The following ENOX2 variants were observed in gnomAD, a reference collection of about 807,000 sequenced individuals.
ENOX2 encodes the protein APK1 antigen.
A neutral mutation model predicts 45.0 loss-of-function variants in ENOX2; 36 were observed. The observed-to-expected ratio is 0.80, with a 90% CI of 0.61 to 1.06. The LOEUF (loss-of-function observed/expected upper bound fraction) is 1.06, where lower values mean the gene tolerates loss of function less well. ENOX2 is among the 50% of genes least tolerant of loss of function. The probability of loss-of-function intolerance (pLI) is 0.00; values close to 1 mark genes in which losing one functional copy is unlikely to be tolerated. For synonymous variants in ENOX2, 174 were observed against 152.3 expected, an observed-to-expected ratio of 1.14 and a Z score of -1.05; for missense variants, 423 against 462.5, an observed-to-expected ratio of 0.91 and a Z score of 0.78.
chrX:130,727,913 G>A (rs1405189207), intron 3 of ENOX2, among the ~76,000 whole-genome samples: 2 of 112,248 alleles, frequency 1.8e-5, no homozygotes, highest in Admixed American at 1.9e-4. Context: ...CCTGAGCTAT[G>A]TAGGTGTGCT....
intron 3 of ENOX2, among the ~76,000 whole-genome samples, chrX:130,772,852 C>T (rs951163846): frequency 2.7e-5 from 3 of 112,371 alleles, no homozygotes; most frequent in African/African-American, 9.7e-5. Flanking sequence ...AATGCCTCCA[C>T]TCTTCATCCC....
intron 2 of ENOX2, among the ~76,000 whole-genome samples, chrX:130,860,801 G>C (rs1222127626): frequency 9.0e-6 from 1 of 111,612 alleles, no homozygotes; most frequent in African/African-American, 3.3e-5. Context: ...TTTTAAGATA[G>C]CCACAGCTTC....
At chrX:130,824,710 C>T (rs754828944) in intron 2 of ENOX2, among the ~76,000 whole-genome samples, 21 of 111,335 alleles carry the variant, frequency 1.9e-4, no homozygotes, top group Non-Finnish European at 3.8e-4. Context: ...AATAGAATAA[C>T]GAGCAAATGA....
At position 130,799,709 on chromosome X, in the gene ENOX2, T is replaced by C. The variant is rs536924163; in HGVS notation, c.-182-16019A>G. ...TAAGATAAAGAAAGAAAAGCTTAGATGGAAGACATCCATAAAAGCATGAAA... is the reference window on the plus strand; with the variant it reads ...TAAGATAAAGAAAGAAAAGCTTAGACGGAAGACATCCATAAAAGCATGAAA... On this transcript the variant is annotated intron_variant, in intron 2 of 14. Transcript: ENST00000394363. 6.0e-4 allele frequency among the ~76,000 whole-genome samples: 67 copies of C among 111,512 alleles called. 1 individual carries two copies. In the South Asian group the frequency reaches 0.024, roughly 40 times the overall value.
chrX:130,685,059 G>A (rs1308720685), intron 5 of ENOX2, among the ~76,000 whole-genome samples: 2 of 112,413 alleles, frequency 1.8e-5, no homozygotes, highest in Admixed American at 9.4e-5. Context: ...CAGGGTCACT[G>A]AGAAAGTGAC....
At chrX:130,812,913 A>G (rs991990202) in intron 2 of ENOX2, among the ~76,000 whole-genome samples, 2 of 111,906 alleles carry the variant, frequency 1.8e-5, no homozygotes, top group Admixed American at 9.5e-5. Flanking sequence ...CTACAAAGCT[A>G]TAGTAACTAA....
intron 2 of ENOX2, among the ~76,000 whole-genome samples, chrX:130,857,387 T>C (rs72614153): frequency 1.8e-5 from 2 of 112,422 alleles, no homozygotes; most frequent in East Asian, 5.5e-4. Flanking sequence ...TGGTGTTAAC[T>C]ACAAAGGTGT....
At chrX:130,898,796 A>G (rs752111685) in intron 2 of ENOX2, among the ~76,000 whole-genome samples, 1 of 100,949 alleles carries the variant, frequency 9.9e-6, no homozygotes, top group East Asian at 3.0e-4. Context: ...AGATGTCCTG[A>G]GTATTAAATT....
intron 2 of ENOX2, among the ~76,000 whole-genome samples, chrX:130,865,848 T>C (rs149007956): frequency 0.019 from 2,082 of 111,245 alleles, 67 homozygotes; most frequent in African/African-American, 0.065. Context: ...TCCTATCATA[T>C]CCTAATAGCC....
chrX:130,859,084 T>C (rs1012621561), intron 2 of ENOX2, among the ~76,000 whole-genome samples: 3 of 112,451 alleles, frequency 2.7e-5, no homozygotes, highest in Non-Finnish European at 5.6e-5. Context: ...TCCCAGCACG[T>C]TGGGAGGCCA....
intron 2 of ENOX2, among the ~76,000 whole-genome samples, chrX:130,785,409 C>A (rs1057362929): frequency 9.1e-6 from 1 of 109,666 alleles, no homozygotes; most frequent in Non-Finnish European, 1.9e-5. Context: ...GCCCACATAA[C>A]AAGTACTGTT....
At chrX:130,694,869 T>C (rs1379241151) in intron 4 of ENOX2, among the ~76,000 whole-genome samples, 1 of 111,388 alleles carries the variant, frequency 9.0e-6, no homozygotes, top group African/African-American at 3.3e-5. Flanking sequence ...TGCCAACTTT[T>C]ACCTTTGTGG....
rs1381053186 is a variant in ENOX2, at chrX:130,624,942, A to AAATC, written c.*368_*371dup. ...AATGTAAAGAGAAGTTTAGAAACAC[A>AAATC]AATCACATACAAATCATCAAAACAT... On this transcript the variant is annotated 3_prime_UTR_variant, in exon 15 of 15. Transcript: ENST00000394363. The AAATC allele has an allele frequency of 7.7e-6, 1 of 129,589 alleles. No individual in the cohort carries two copies. Among genetic ancestry groups the AAATC allele is most frequent in the Non-Finnish European group, 1.5e-5 (1 of 65,208 alleles). 10.7% of individuals were successfully genotyped at this position (129,589 alleles called of 1,213,427 possible). A position where few individuals can be genotyped will look rare whatever the true frequency, so the allele number is the denominator to read the frequency against.
intron 3 of ENOX2, among the ~76,000 whole-genome samples, chrX:130,708,668 T>C (rs1009072809): frequency 2.7e-5 from 3 of 112,312 alleles, no homozygotes; most frequent in Non-Finnish European, 3.8e-5. Flanking sequence ...GTGTCTGACA[T>C]AGAAAAGATG....
In ENOX2 at chrX:130,670,014, C is replaced by T; in HGVS notation, c.645G>A (p.Val215=). 8.3e-7 allele frequency: 1 copy of T among 1,211,104 alleles called. No individual in the cohort carries two copies. The highest frequency in any genetic ancestry group is 1.1e-6 in the Non-Finnish European group (1 of 894,898). Reference sequence around the variant, plus strand: ...TGCATTCATGATCTGAATAGTGGACCACTGGGGGTGGAGATGGTGGACGCA... The same window carrying T: ...TGCATTCATGATCTGAATAGTGGACTACTGGGGGTGGAGATGGTGGACGCA... ...ERLRPPSPPP[V]VHYSDHECSI... Residue 215 remains valine (V), a synonymous_variant, in exon 7 of 15, where the codon GTG becomes GTA. Coordinates refer to ENST00000394363, the MANE Select transcript of ENOX2 (RefSeq NM_006375.4).
At chrX:130,713,298 C>T (rs150068055) in intron 3 of ENOX2, among the ~76,000 whole-genome samples, 3 of 111,802 alleles carry the variant, frequency 2.7e-5, no homozygotes, top group East Asian at 5.6e-4. Flanking sequence ...CTTTGAGCTG[C>T]GGCCAAGGGC....
At chrX:130,896,827 G>A (rs1052126011) in intron 2 of ENOX2, among the ~76,000 whole-genome samples, 1 of 111,820 alleles carries the variant, frequency 8.9e-6, no homozygotes, top group Non-Finnish European at 1.9e-5. Flanking sequence ...AAAATGAAGG[G>A]AAGACTACAC....
chrX:130,665,197 A>G (rs2036799395), intron 9 of ENOX2, among the ~76,000 whole-genome samples: 1 of 112,164 alleles, frequency 8.9e-6, no homozygotes, highest in African/African-American at 3.2e-5. Flanking sequence ...AAGATGACTA[A>G]ATGAATTTGA....
Position 130,631,356 on chromosome X carries a change from G to A in ENOX2, c.1528+112C>T, listed in dbSNP as rs144493468. On this transcript the variant is annotated intron_variant, in intron 13 of 14. Coordinates refer to ENST00000394363, the MANE Select transcript of ENOX2 (RefSeq NM_006375.4). ...CATCTTCAGAACTCTGAGTTCTTGC[G>A]CTGCCATGCTTCATAAATGCTTGGC... The A allele has an allele frequency of 3.4e-4, 168 of 491,548 alleles. 1 individual carries two copies. The highest frequency in any genetic ancestry group is 3.1e-3 in the African/African-American group (131 of 42,468). The allele number at this position is 491,548 out of a possible 1,213,427, so 40.5% of individuals were successfully genotyped here.
Sources: gnomAD v4.1 joint callset for allele counts (sites outside exome capture counted in the v4.1 genomes callset) on GRCh38, gnomAD v4.1.1 for gene constraint, MANE v1.5 for transcripts, NCBI Gene and HGNC (gene_info 2026-07-23, HGNC 2026-07-21) for gene names.